The following ZNF385B variants were observed in gnomAD, a reference collection of about 807,000 sequenced individuals.
The protein encoded by ZNF385B is zinc finger protein 385B, also known as zinc finger protein 533.
A neutral mutation model predicts 39.2 loss-of-function variants in ZNF385B; 23 were observed. The observed-to-expected ratio is 0.59, with a 90% confidence interval of 0.42 to 0.83. The LOEUF is 0.83. Among genes scored for constraint, ZNF385B ranks in the 40% least tolerant of loss-of-function variants. The pLI is 0.00. For missense variants in ZNF385B, 552 were observed against 598.9 expected, an observed-to-expected ratio of 0.92 and a Z score of 0.82; for synonymous variants, 205 against 222.6, an observed-to-expected ratio of 0.92 and a Z score of 0.70.
At chr2:179,449,091 G>C (rs1336420761) in intron 6 of ZNF385B, among the ~76,000 whole-genome samples, 1 of 152,018 alleles carries the variant, frequency 6.6e-6, no homozygotes, top group Non-Finnish European at 1.5e-5. Flanking sequence ...TGCTGACAAT[G>C]TGCTAGACAC....
intron 3 of ZNF385B, among the ~76,000 whole-genome samples, chr2:179,652,794 T>A (rs1693314722): frequency 1.3e-5 from 2 of 148,786 alleles, no homozygotes; most frequent in South Asian, 4.2e-4. Context: ...TATAAATAAA[T>A]ACCTTACCTA....
intron 3 of ZNF385B, among the ~76,000 whole-genome samples, chr2:179,661,414 A>C (rs1357256630): frequency 6.6e-6 from 1 of 152,238 alleles, no homozygotes; most frequent in Non-Finnish European, 1.5e-5. Context: ...CTGGGTCTCC[A>C]GCTTGCAGAC....
At chr2:179,664,400 G>A (rs1426373871) in intron 3 of ZNF385B, among the ~76,000 whole-genome samples, 2 of 151,976 alleles carry the variant, frequency 1.3e-5, no homozygotes, top group Non-Finnish European at 2.9e-5. Context: ...AATTGTAGCC[G>A]AATAGTTTTT....
At chr2:179,567,124 A>G (rs3112925) in intron 3 of ZNF385B, among the ~76,000 whole-genome samples, 119,630 of 151,868 alleles carry the variant, frequency 0.79, 47,585 homozygotes, top group East Asian at 0.99. Context: ...CATGTTGGCC[A>G]GGCTGGTCTC....
intron 5 of ZNF385B, among the ~76,000 whole-genome samples, chr2:179,518,163 A>G (rs1050953500): frequency 6.6e-6 from 1 of 152,212 alleles, no homozygotes; most frequent in Non-Finnish European, 1.5e-5. Context: ...GTTGAGACTG[A>G]TTGCATAGAT....
At chr2:179,462,746 A>G (rs767540567) in intron 6 of ZNF385B, among the ~76,000 whole-genome samples, 2 of 152,180 alleles carry the variant, frequency 1.3e-5, no homozygotes, top group Non-Finnish European at 2.9e-5. Context: ...ATGGGACTAC[A>G]CCTATCTAAA....
At chr2:179,796,999 T>C (rs1195274957) in intron 1 of ZNF385B, among the ~76,000 whole-genome samples, 2 of 152,190 alleles carry the variant, frequency 1.3e-5, no homozygotes, top group Non-Finnish European at 2.9e-5. Flanking sequence ...GTCTGGCACA[T>C]ACTTGATATT....
At chr2:179,451,424 A>G (rs531623961) in intron 6 of ZNF385B, among the ~76,000 whole-genome samples, 7 of 152,206 alleles carry the variant, frequency 4.6e-5, no homozygotes, top group Non-Finnish European at 1.0e-4. Context: ...ATATTATTAT[A>G]GATGTCAATT....
chr2:179,552,306 A>G (rs1240866878), intron 3 of ZNF385B, among the ~76,000 whole-genome samples: 1 of 149,328 alleles, frequency 6.7e-6, no homozygotes, highest in Non-Finnish European at 1.5e-5. Context: ...TCTTCAAAAG[A>G]GTATGCCAGA....
rs569807045 is a variant in ZNF385B, at chr2:179,505,549, A to G, written c.552+12979T>C. ...ATATTATAGAATGTTATTTCTTTCCAAGGAAAAACTGGGTAACCACCTTAA... is the reference window on the plus strand; with the variant it reads ...ATATTATAGAATGTTATTTCTTTCCGAGGAAAAACTGGGTAACCACCTTAA... On this transcript the variant is annotated intron_variant, in intron 5 of 9. Transcript: ENST00000410066. 5.8e-4 allele frequency among the ~76,000 whole-genome samples: 88 copies of G among 152,124 alleles called. 1 individual carries two copies. The highest frequency in any genetic ancestry group is 2.9e-4 in the Non-Finnish European group (20 of 68,028).
At chr2:179,702,654 T>C (rs1699296161) in intron 3 of ZNF385B, among the ~76,000 whole-genome samples, 1 of 152,076 alleles carries the variant, frequency 6.6e-6, no homozygotes, top group Non-Finnish European at 1.5e-5. Flanking sequence ...GCCAAAATAG[T>C]CTCCACAGGT....
chr2:179,711,023 G>T (rs773415262), intron 3 of ZNF385B, among the ~76,000 whole-genome samples: 31 of 152,334 alleles, frequency 2.0e-4, no homozygotes, highest in Middle Eastern at 3.4e-3. Context: ...CCCCCACTGT[G>T]GGGTAGGCTG....
At chr2:179,615,407 G>T (rs1352402729) in intron 3 of ZNF385B, among the ~76,000 whole-genome samples, 1 of 152,106 alleles carries the variant, frequency 6.6e-6, no homozygotes, top group East Asian at 1.9e-4. Context: ...GCATGTTATT[G>T]GGCTCCATCC....
chr2:179,592,531 C>CA (rs149483370), intron 3 of ZNF385B, among the ~76,000 whole-genome samples: 1,679 of 152,264 alleles, frequency 0.011, 27 homozygotes, highest in African/African-American at 0.039. Flanking sequence ...AGCAGGAACT[C>CA]ACAGCAAATT....
chr2:179,445,050 T>C, intron 8 of ZNF385B, 73 bp from the exon 9 acceptor site: 1 of 1,336,598 alleles, frequency 7.5e-7, no homozygotes, highest in South Asian at 1.2e-5. Context: ...TCTAGGTAGC[T>C]ATTTTCTCCA....
intron 1 of ZNF385B, among the ~76,000 whole-genome samples, chr2:179,809,625 G>A (rs1706610583): frequency 6.6e-6 from 1 of 152,016 alleles, no homozygotes; most frequent in Non-Finnish European, 1.5e-5. Context: ...ATGACATCTG[G>A]AAGTATCATT....
Position 179,548,473 on chromosome 2 carries a change from C to T in ZNF385B, c.299-3504G>A, listed in dbSNP as rs182784890. Among the ~76,000 whole-genome samples, 5 of 149,800 alleles carry T rather than the reference C, an allele frequency of 3.3e-5. No homozygotes were observed. In the East Asian group the frequency reaches 9.7e-4, roughly 29 times the overall value. On this transcript the variant is annotated intron_variant, in intron 3 of 9. Transcript: ENST00000410066. ...ATTGAGGTATAACTCATATACCAGA[C>T]AATTCATCTGAATTGTAGAATTCAA...
intron 4 of ZNF385B, among the ~76,000 whole-genome samples, chr2:179,540,775 T>C (rs2059873484): frequency 6.6e-6 from 1 of 150,810 alleles, no homozygotes; most frequent in African/African-American, 2.5e-5. Context: ...AATTAAACTA[T>C]GGTGTGACAA....
intron 5 of ZNF385B, among the ~76,000 whole-genome samples, chr2:179,498,107 T>C (rs535224633): frequency 1.3e-4 from 20 of 152,188 alleles, no homozygotes; most frequent in Admixed American, 1.1e-3. Context: ...ACAATAATAC[T>C]TGGAGACTTC....
Sources: gnomAD v4.1 joint callset for allele counts (sites outside exome capture counted in the v4.1 genomes callset) on GRCh38, gnomAD v4.1.1 for gene constraint, MANE v1.5 for transcripts, NCBI Gene and HGNC (gene_info 2026-07-23, HGNC 2026-07-21) for gene names.